TTC39B: variants seen among roughly 807,000 people sequenced by gnomAD.
The protein encoded by TTC39B is tetratricopeptide repeat domain 39B.
Under a neutral mutation model 96.6 loss-of-function variants are expected in TTC39B, and 92 were observed. The observed-to-expected ratio is 0.95, with a 90% CI of 0.80 to 1.13. TTC39B has a LOEUF of 1.13. Ranked by LOEUF, TTC39B falls within the 50% of genes most tolerant of loss-of-function variation. TTC39B has a pLI of 0.00. For missense variants in TTC39B, 955 were observed against 809.3 expected, an observed-to-expected ratio of 1.18 and a Z score of -2.18; for synonymous variants, 367 against 299.4, an observed-to-expected ratio of 1.23 and a Z score of -2.33.
At chr9:15,190,873 T>C (rs747788069) in intron 10 of TTC39B, among the ~76,000 whole-genome samples, 2 of 151,020 alleles carry the variant, frequency 1.3e-5, no homozygotes, top group Non-Finnish European at 2.9e-5. Flanking sequence ...CCCCCACCCC[T>C]CCCATCTTTG....
chr9:15,215,872 A>G, intron 3 of TTC39B, among the ~76,000 whole-genome samples: 1 of 152,066 alleles, frequency 6.6e-6, no homozygotes, highest in South Asian at 2.1e-4. Context: ...TCAAAAACTA[A>G]ATAAATAAAT....
chr9:15,221,028 C>G (rs1820813769), intron 3 of TTC39B, among the ~76,000 whole-genome samples: 1 of 152,208 alleles, frequency 6.6e-6, no homozygotes, highest in African/African-American at 2.4e-5. Context: ...GAGCTGCATG[C>G]ACATATCTGG....
chr9:15,258,879 C>T (rs1822848854), intron 2 of TTC39B, among the ~76,000 whole-genome samples: 1 of 152,116 alleles, frequency 6.6e-6, no homozygotes, highest in South Asian at 2.1e-4. Context: ...AATCTTGTCA[C>T]TCCTCATAGT....
At chr9:15,268,508 C>CCA (rs1298875434) in intron 1 of TTC39B, among the ~76,000 whole-genome samples, 4 of 152,034 alleles carry the variant, frequency 2.6e-5, no homozygotes, top group African/African-American at 9.7e-5. Flanking sequence ...ACTCAGAAGA[C>CCA]CACACACACA....
At chr9:15,167,020 A>ATTTTTTTT (rs1817539929) in exon 20 of TTC39B, 1 of 7,132 alleles carries the variant, frequency 1.4e-4, no homozygotes, top group African/African-American at 7.7e-4. Flanking sequence ...ATATATATAT[A>ATTTTTTTT]TATATATATT....
chr9:15,291,374 T>G (rs927342363), intron 1 of TTC39B, among the ~76,000 whole-genome samples: 1 of 152,196 alleles, frequency 6.6e-6, no homozygotes, highest in Non-Finnish European at 1.5e-5. Context: ...AAGCTCTCTC[T>G]TTGCCTGCTG....
intron 2 of TTC39B, among the ~76,000 whole-genome samples, chr9:15,227,449 C>T (rs975216058): frequency 6.6e-6 from 1 of 152,006 alleles, no homozygotes; most frequent in African/African-American, 2.4e-5. Flanking sequence ...ATATCAAGTT[C>T]CCTAAATTTT....
chr9:15,255,003 C>T (rs571985256), intron 2 of TTC39B, among the ~76,000 whole-genome samples: 2 of 151,936 alleles, frequency 1.3e-5, no homozygotes, highest in Non-Finnish European at 2.9e-5. Context: ...ATGCCCACAC[C>T]TTTGAAAAGG....
chr9:15,191,191 C>G, exon 10 of TTC39B: 1 of 1,602,418 alleles, frequency 6.2e-7, no homozygotes, highest in Non-Finnish European at 8.5e-7. Context: ...AATTTGTACC[C>G]TATTCCCAGA....
At chr9:15,199,671 C>T (rs1586854239) in intron 8 of TTC39B, among the ~76,000 whole-genome samples, 190 bp downstream of exon 8, 1 of 125,292 alleles carries the variant, frequency 8.0e-6, no homozygotes, top group African/African-American at 3.0e-5. Flanking sequence ...AGAGGCGGAG[C>T]TTGCAGTGAG....
intron 7 of TTC39B, among the ~76,000 whole-genome samples, chr9:15,203,304 G>A (rs545336544): frequency 2.0e-5 from 3 of 152,316 alleles, no homozygotes; most frequent in African/African-American, 7.2e-5. Flanking sequence ...AAGGTGAAGT[G>A]CAGTGGTAGG....
intron 2 of TTC39B, among the ~76,000 whole-genome samples, chr9:15,263,268 G>A (rs1823009336): frequency 1.3e-5 from 2 of 152,174 alleles, no homozygotes; most frequent in East Asian, 3.9e-4. Flanking sequence ...AAGTACCGAT[G>A]TTCACTGAGC....
chr9:15,194,170 T>A (rs1195648745), intron 8 of TTC39B, among the ~76,000 whole-genome samples: 1 of 152,228 alleles, frequency 6.6e-6, no homozygotes, highest in African/African-American at 2.4e-5. Flanking sequence ...TTTTTTGTAA[T>A]AATTTTCAAA....
chr9:15,183,120 T>TA (rs1818331909), intron 16 of TTC39B, among the ~76,000 whole-genome samples: 2 of 152,150 alleles, frequency 1.3e-5, no homozygotes, highest in Non-Finnish European at 1.5e-5. Context: ...GGGTAATTAG[T>TA]ATCTTCTTGG....
At chr9:15,180,148 C>G (rs1369271925) in intron 17 of TTC39B, among the ~76,000 whole-genome samples, 4 of 152,126 alleles carry the variant, frequency 2.6e-5, no homozygotes, top group Admixed American at 6.5e-5. Flanking sequence ...GGTGGATAGG[C>G]TGAGAAACAG....
intron 1 of TTC39B, among the ~76,000 whole-genome samples, chr9:15,285,201 G>A (rs1390422845): frequency 3.3e-5 from 5 of 151,658 alleles, no homozygotes; most frequent in Non-Finnish European, 7.4e-5. Flanking sequence ...CCCGGGAGGC[G>A]GAGTTTGCAG....
rs965574810 is a variant in TTC39B at position 15,250,222 on chromosome 9, G to C, written c.275+17692C>G. On this transcript the variant is annotated intron_variant, in intron 2 of 19. Coordinates refer to ENST00000512701, the Ensembl canonical transcript of TTC39B. ...CACTGCTGTAGCGGATGCTTCTGCA[G>C]GAAGGGATGCCGGGAGATTTTTTTT... is the stretch of plus-strand genomic sequence containing the variant. 3 of 1,098,250 alleles carry C rather than the reference G, an allele frequency of 2.7e-6. No individual in the cohort carries two copies. The African/African-American group carries it at 5.0e-5, about 18-fold the overall frequency. 68.0% of individuals were successfully genotyped at this position (1,098,250 alleles called of 1,614,324 possible).
intron 1 of TTC39B, among the ~76,000 whole-genome samples, chr9:15,302,327 A>T (rs574434694): frequency 7.9e-4 from 118 of 150,182 alleles, no homozygotes; most frequent in African/African-American, 2.7e-3. Context: ...CTCTGTCTTT[A>T]AAAAAAAGGC....
intron 2 of TTC39B, among the ~76,000 whole-genome samples, chr9:15,258,213 A>C (rs1209997827): frequency 6.6e-6 from 1 of 152,140 alleles, no homozygotes; most frequent in East Asian, 1.9e-4. Context: ...TAGTCACTTA[A>C]GCTAATGTAA....
Sources: allele counts gnomAD v4.1 joint callset (sites outside exome capture counted in the v4.1 genomes callset), GRCh38; gene constraint gnomAD v4.1.1; transcripts MANE v1.5; gene names NCBI Gene and HGNC (gene_info 2026-07-23, HGNC 2026-07-21).